SERPINB6: variants seen among roughly 807,000 people sequenced by gnomAD.
SERPINB6 encodes the protein serpin B6.
In SERPINB6, 16 loss-of-function variants were observed where a neutral mutation model predicts 26.1. The observed-to-expected ratio is 0.61, with a 90% CI of 0.42 to 0.93. The LOEUF (loss-of-function observed/expected upper bound fraction) is 0.93. Among genes scored for constraint, SERPINB6 ranks in the 40% least tolerant of loss-of-function variants. The probability of loss-of-function intolerance (pLI) is 0.00; values close to 1 mark genes in which losing one functional copy is unlikely to be tolerated. For synonymous variants in SERPINB6, 174 were observed against 176.6 expected (o/e 0.99, Z 0.11); for missense variants, 420 against 478.0 (o/e 0.88, Z 1.13).
chr6:2,949,780 T>C (rs925191619), intron 5 of SERPINB6, among the ~76,000 whole-genome samples: 1 of 152,188 alleles, frequency 6.6e-6, no homozygotes, highest in East Asian at 1.9e-4. Context: ...GGCTCCCCAT[T>C]TACTCGGAGC....
At position 2,948,478 on chromosome 6, in the gene SERPINB6, G is replaced by A; in HGVS notation, c.951C>T (p.His317=). Residue 317 remains histidine, a synonymous_variant, in exon 7 of 7, where the codon CAC becomes CAT. Transcript: ENST00000380539. The surrounding 1 kb of genome is among the most constrained non-coding windows in gnomAD (Gnocchi z 5.0). ...QTDLSLSKVV[H]KSFVEVNEEG... ...CCTCATTGACCTCCACAAAAGACTTGTGCACGACCTTGGACAGAGACAGGT... is the reference window on the plus strand; with the variant it reads ...CCTCATTGACCTCCACAAAAGACTTATGCACGACCTTGGACAGAGACAGGT... 1 of 1,614,176 alleles carries A rather than the reference G, an allele frequency of 6.2e-7. No homozygotes were observed. The highest frequency in any genetic ancestry group is 8.5e-7 in the Non-Finnish European group (1 of 1,180,024).
rs142824832 is a variant in SERPINB6, at chr6:2,966,109, T to C, written c.-11+5424A>G. Among the ~76,000 whole-genome samples the C allele has an allele frequency of 2.6e-5, 4 of 152,324 alleles. No homozygotes were observed. The East Asian group carries it at 5.8e-4, about 22-fold the overall frequency. On this transcript the variant is annotated intron_variant, in intron 1 of 6. Coordinates refer to ENST00000380539, the MANE Select transcript of SERPINB6 (RefSeq NM_004568.6). ...TGTTGTATGGTATAACTTGGTCTTT[T>C]TGTTGAATGTTTAGGCCTTTAAGTT...
At chr6:2,971,757 GC>G (rs1219594260), upstream of SERPINB6, 2 of 152,262 alleles carry the variant, frequency 1.3e-5, no homozygotes, top group Admixed American at 6.5e-5. Context: ...ACAGTACAGG[GC>G]CCCACCAGCG....
At chr6:2,961,301 A>G (rs1326152686) in intron 1 of SERPINB6, 1 of 144,926 alleles carries the variant, frequency 6.9e-6, no homozygotes, top group Non-Finnish European at 1.6e-5. Context: ...CTTTCCAAAC[A>G]TATTTTAAGA....
At chr6:2,971,193 G>T in intron 1 of SERPINB6, 1 of 988,582 alleles carries the variant, frequency 1.0e-6, no homozygotes. Flanking sequence ...CTGGGCGCCC[G>T]GGGTCCTCGG....
At chr6:2,954,792 A>G (rs1770240704) in intron 3 of SERPINB6, 83 bp from the exon 4 acceptor site, 1 of 898,330 alleles carries the variant, frequency 1.1e-6, no homozygotes, top group Non-Finnish European at 1.9e-6. Context: ...ACCAAGTCAG[A>G]AAATCTATAA....
At chr6:2,955,948 G>A (rs756928938) in intron 2 of SERPINB6, 151 of 357,818 alleles carry the variant, frequency 4.2e-4, no homozygotes, top group Non-Finnish European at 7.0e-4. Flanking sequence ...CTGGTGGTGC[G>A]TACCTGTAAC....
chr6:2,971,055 G>C, intron 1 of SERPINB6: 1 of 1,178,072 alleles, frequency 8.5e-7, no homozygotes, highest in Non-Finnish European at 1.0e-6. Flanking sequence ...GACTGAGCAC[G>C]CGTCCTCCGG....
intron 1 of SERPINB6, chr6:2,969,229 C>T (rs1285759770): frequency 6.1e-6 from 6 of 985,678 alleles, no homozygotes; most frequent in Admixed American, 6.1e-5. Context: ...TTTCAGCAAA[C>T]GTGTGAGTAA....
chr6:2,968,871 C>G, intron 1 of SERPINB6: 1 of 1,230,848 alleles, frequency 8.1e-7, no homozygotes, highest in Non-Finnish European at 1.0e-6. Context: ...TGTCCGGGAA[C>G]CAGCAAATGG....
At chr6:2,955,138 C>T (rs372785079) in intron 3 of SERPINB6, 5 of 273,660 alleles carry the variant, frequency 1.8e-5, no homozygotes, top group Admixed American at 5.2e-5. Context: ...TGCAGTAAGC[C>T]GAGATCAGGC....
chr6:2,970,672 A>G (rs1372145269), intron 1 of SERPINB6: 1 of 1,223,654 alleles, frequency 8.2e-7, no homozygotes, highest in Non-Finnish European at 1.0e-6. Context: ...CAGCATGTGA[A>G]CATTAATTAT....
At chr6:2,970,460 T>A (rs1772035912) in intron 1 of SERPINB6, 1 of 1,096,852 alleles carries the variant, frequency 9.1e-7, no homozygotes, top group Non-Finnish European at 1.1e-6. Flanking sequence ...CCAGCACACA[T>A]AAAAGCCCCA....
At chr6:2,965,883 C>T (rs1222294674) in intron 1 of SERPINB6, among the ~76,000 whole-genome samples, 1 of 152,142 alleles carries the variant, frequency 6.6e-6, no homozygotes, top group African/African-American at 2.4e-5. Flanking sequence ...CTTTGTGCAT[C>T]AAAGCAGTTT....
At position 2,959,197 on chromosome 6, in the gene SERPINB6, T is replaced by A. The variant is rs1256116221; in HGVS notation, c.136A>T (p.Lys46Ter). ...CALAMVYMGAKGNTAAQMAQI... is the reference protein window; with the variant it reads ...CALAMVYMGA ...GCCATCTGTGCAGCGGTGTTTCCCTTTGCCCCCATGTAGACCATGGCCAGG... is the reference window on the plus strand; with the variant it reads ...GCCATCTGTGCAGCGGTGTTTCCCTATGCCCCCATGTAGACCATGGCCAGG... Residue 46 changes from lysine to a stop codon, truncating the protein, a stop_gained, in exon 2 of 7, where the codon AAG (lysine) becomes TAG (stop). Coordinates refer to ENST00000380539, the MANE Select transcript of SERPINB6 (RefSeq NM_004568.6). LOFTEE classifies it high-confidence loss of function. 6.2e-7 allele frequency: 1 copy of A among 1,614,074 alleles called. No homozygotes were observed. The highest frequency in any genetic ancestry group is 1.3e-5 in the African/African-American group (1 of 74,924).
At position 2,948,796 on chromosome 6, in the gene SERPINB6, G is replaced by T. The variant is rs1041891922; in HGVS notation, c.730-97C>A. 1 of 1,562,086 alleles carries T rather than the reference G, an allele frequency of 6.4e-7. No individual in the cohort carries two copies. ...GATGCCAGACACCAGTGGCAGCGTGGCTATGGTCAGCAGCGCTCCAGTGTT... is the reference window on the plus strand; with the variant it reads ...GATGCCAGACACCAGTGGCAGCGTGTCTATGGTCAGCAGCGCTCCAGTGTT... On this transcript the variant is annotated intron_variant, in intron 6 of 6. Coordinates refer to ENST00000380539, the MANE Select transcript of SERPINB6 (RefSeq NM_004568.6). This position sits in a 1 kb window ranked among gnomAD's most constrained non-coding sequence, Gnocchi z 5.0.
intron 1 of SERPINB6, chr6:2,961,038 G>C (rs953588581): frequency 2.0e-5 from 3 of 152,244 alleles, no homozygotes; most frequent in Non-Finnish European, 4.4e-5. Context: ...AAGGCAAGGA[G>C]GATCCTCTGG....
At chr6:2,953,787 T>C (rs1238759770) in intron 4 of SERPINB6, among the ~76,000 whole-genome samples, 1 of 152,024 alleles carries the variant, frequency 6.6e-6, no homozygotes, top group African/African-American at 2.4e-5. Flanking sequence ...TCCCAGCACT[T>C]TGGGAGGCCA....
intron 3 of SERPINB6, chr6:2,955,256 G>C (rs573755509): frequency 2.7e-5 from 12 of 439,294 alleles, no homozygotes; most frequent in African/African-American, 2.4e-4. Flanking sequence ...AATATCAAAC[G>C]AACTTCACCA....
Sources: allele counts gnomAD v4.1 joint callset (sites outside exome capture counted in the v4.1 genomes callset), GRCh38; gene constraint gnomAD v4.1.1; non-coding constraint Gnocchi (gnomAD v3.1); transcripts MANE v1.5; gene names NCBI Gene and HGNC (gene_info 2026-07-23, HGNC 2026-07-21).